The following MYO16 variants were observed in gnomAD, a reference collection of about 807,000 sequenced individuals.
The protein encoded by MYO16 is unconventional myosin-XVI.
A neutral mutation model predicts 205.3 loss-of-function variants in MYO16; 94 were observed. The observed-to-expected ratio is 0.46, with a 90% CI of 0.39 to 0.54. The LOEUF is 0.54. Among genes scored for constraint, MYO16 ranks in the 20% least tolerant of loss-of-function variants. MYO16 has a pLI of 0.00. For missense variants in MYO16, 2,315 were observed against 2,387.5 expected (o/e 0.97, Z 0.63); for synonymous variants, 988 against 954.0 (o/e 1.04, Z -0.66).
At chr13:109,108,437 G>A (rs1405221461) in intron 28 of MYO16, among the ~76,000 whole-genome samples, 1 of 152,156 alleles carries the variant, frequency 6.6e-6, no homozygotes, top group Non-Finnish European at 1.5e-5. Context: ...GTACTATCTG[G>A]CACCTACTAA....
the MYO16 span, among the ~76,000 whole-genome samples, chr13:108,524,028 G>A: frequency 2.6e-5 from 4 of 152,132 alleles, no homozygotes; most frequent in Admixed American, 6.5e-5. Context: ...GGCCGGGTGC[G>A]GAGGCTCACG....
chr13:108,500,651 G>A, the MYO16 span, among the ~76,000 whole-genome samples: 2 of 151,986 alleles, frequency 1.3e-5, no homozygotes, highest in Non-Finnish European at 2.9e-5. Context: ...ACTGAGATGA[G>A]TCTTCTTTAT....
chr13:108,983,512 G>A (rs532243674), intron 20 of MYO16, among the ~76,000 whole-genome samples: 1 of 152,308 alleles, frequency 6.6e-6, no homozygotes, highest in South Asian at 2.1e-4. Context: ...GAGTAGCCAG[G>A]TTTGGTTGGC....
chr13:108,575,240 G>T, the MYO16 span, among the ~76,000 whole-genome samples: 1 of 152,152 alleles, frequency 6.6e-6, no homozygotes, highest in Non-Finnish European at 1.5e-5. Context: ...TCTGCTTAGA[G>T]CTTGTACATC....
intron 34 of MYO16, among the ~76,000 whole-genome samples, chr13:109,194,826 T>C (rs901918654): frequency 3.3e-5 from 5 of 152,258 alleles, no homozygotes; most frequent in African/African-American, 1.2e-4. Flanking sequence ...AGACAGATTT[T>C]TTTCTCTCTA....
intron 4 of MYO16, among the ~76,000 whole-genome samples, chr13:108,756,415 T>C (rs1885423938): frequency 6.6e-6 from 1 of 152,134 alleles, no homozygotes; most frequent in Admixed American, 6.5e-5. Flanking sequence ...GAGAAACACA[T>C]CTGTACCATC....
At chr13:108,934,618 CA>C (rs1471912171) in intron 16 of MYO16, among the ~76,000 whole-genome samples, 1 of 151,972 alleles carries the variant, frequency 6.6e-6, no homozygotes, top group Non-Finnish European at 1.5e-5. Flanking sequence ...TCTCACTTGT[CA>C]ATTTTTGTTT....
chr13:109,077,404 C>T (rs1332420000), intron 27 of MYO16, among the ~76,000 whole-genome samples: 3 of 152,082 alleles, frequency 2.0e-5, no homozygotes, highest in Non-Finnish European at 4.4e-5. Flanking sequence ...TTCCCTTTCC[C>T]TCAAACTCAC....
the MYO16 span, among the ~76,000 whole-genome samples, chr13:108,521,450 T>C: frequency 2.0e-5 from 3 of 152,254 alleles, no homozygotes; most frequent in South Asian, 6.2e-4. Flanking sequence ...AATTCCAACT[T>C]ATTTTAATTA....
intron 23 of MYO16, among the ~76,000 whole-genome samples, chr13:109,023,328 G>A (rs868560315): frequency 8.4e-4 from 51 of 60,386 alleles, no homozygotes; most frequent in African/African-American, 3.5e-3. Flanking sequence ...ATATTATACA[G>A]ATATAAATAT....
chr13:109,144,048 A>ATTATT (rs1877220017), intron 32 of MYO16, among the ~76,000 whole-genome samples: 1 of 136,430 alleles, frequency 7.3e-6, no homozygotes, highest in Non-Finnish European at 1.6e-5. Flanking sequence ...TTTTTGACGG[A>ATTATT]GTTTTGCTCT....
At chr13:108,587,285 C>T in the MYO16 span, among the ~76,000 whole-genome samples, 82 of 152,230 alleles carry the variant, frequency 5.4e-4, no homozygotes, top group African/African-American at 1.8e-3. Flanking sequence ...TGGGTTTCAG[C>T]TTCTTGATAT....
At chr13:108,567,567 G>A in the MYO16 span, among the ~76,000 whole-genome samples, 2 of 152,124 alleles carry the variant, frequency 1.3e-5, no homozygotes, top group Non-Finnish European at 2.9e-5. Context: ...GATACTCATG[G>A]CATCTCTTTG....
At chr13:108,533,312 G>T in the MYO16 span, among the ~76,000 whole-genome samples, 3 of 152,134 alleles carry the variant, frequency 2.0e-5, no homozygotes, top group Non-Finnish European at 4.4e-5. Flanking sequence ...GTATGCCTCT[G>T]GGACCACACC....
chr13:109,187,217 T>A (rs1378688162), intron 34 of MYO16, among the ~76,000 whole-genome samples: 1 of 152,224 alleles, frequency 6.6e-6, no homozygotes, highest in Non-Finnish European at 1.5e-5. Flanking sequence ...ATTTTCCACA[T>A]ATTCTGGATA....
chr13:109,035,110 C>T (rs1431637668), intron 23 of MYO16, among the ~76,000 whole-genome samples: 3 of 152,120 alleles, frequency 2.0e-5, no homozygotes, highest in African/African-American at 7.2e-5. Context: ...ATCATTTTCT[C>T]CAAAATTCCA....
At chr13:108,550,589 G>A in the MYO16 span, among the ~76,000 whole-genome samples, 1 of 152,140 alleles carries the variant, frequency 6.6e-6, no homozygotes, top group Non-Finnish European at 1.5e-5. Flanking sequence ...CAAATAATAT[G>A]GAATGATTTG....
intron 16 of MYO16, among the ~76,000 whole-genome samples, chr13:108,921,349 C>T (rs1881737981): frequency 6.6e-6 from 1 of 152,216 alleles, no homozygotes; most frequent in South Asian, 2.1e-4. Flanking sequence ...CAGTCCAAAT[C>T]TACTCCAGCC....
intron 2 of MYO16, among the ~76,000 whole-genome samples, chr13:108,676,119 G>A (rs1018666895): frequency 6.6e-6 from 1 of 152,136 alleles, no homozygotes; most frequent in Non-Finnish European, 1.5e-5. Flanking sequence ...GATCGTCACC[G>A]TGAGTGTAAA....
Sources: gnomAD v4.1 joint callset for allele counts (sites outside exome capture counted in the v4.1 genomes callset) on GRCh38, gnomAD v4.1.1 for gene constraint, MANE v1.5 for transcripts, NCBI Gene and HGNC (gene_info 2026-07-23, HGNC 2026-07-21) for gene names.